The following ANK2 variants were observed in gnomAD, a reference collection of about 807,000 sequenced individuals.
ANK2 encodes ankyrin-2.
ANK2 carries 83 observed loss-of-function variants against 360.5 expected under a neutral mutation model. That is an observed-to-expected ratio of 0.23 (90% CI 0.19 to 0.28). ANK2 has a LOEUF of 0.28. Ranked by LOEUF, ANK2 falls within the 10% of genes least tolerant of loss-of-function variation. The pLI, the probability that ANK2 is intolerant of heterozygous loss-of-function variation, is 1.00. For missense variants in ANK2, 4,201 were observed against 4,795.7 expected (o/e 0.88, Z 3.66); for synonymous variants, 1,740 against 1,759.5 (o/e 0.99, Z 0.28).
the ANK2 span, among the ~76,000 whole-genome samples, chr4:112,721,991 T>C: frequency 6.6e-6 from 1 of 152,204 alleles, no homozygotes; most frequent in East Asian, 1.9e-4. Flanking sequence ...GTTATCCTTC[T>C]AAAATTTAAT....
At chr4:113,288,365 T>C in intron 19 of ANK2, 23 bp from the exon 20 acceptor site, 1 of 1,593,932 alleles carries the variant, frequency 6.3e-7, no homozygotes, top group Non-Finnish European at 8.6e-7. Context: ...TATCTATTTT[T>C]AACTTTTTAT....
At chr4:112,796,460 A>ATG in the ANK2 span, among the ~76,000 whole-genome samples, 4 of 74,818 alleles carry the variant, frequency 5.3e-5, no homozygotes, top group Admixed American at 4.6e-4. Flanking sequence ...ATCTATCTAT[A>ATG]TATATACACA....
At chr4:112,973,045 T>C (rs2040134216) in intron 2 of ANK2, among the ~76,000 whole-genome samples, 1 of 152,046 alleles carries the variant, frequency 6.6e-6, no homozygotes, top group Admixed American at 6.6e-5. Context: ...GAGCGAGGGA[T>C]AAAAGACTAC....
At chr4:112,931,040 C>A (rs1182438507) in intron 2 of ANK2, among the ~76,000 whole-genome samples, 2 of 152,074 alleles carry the variant, frequency 1.3e-5, no homozygotes, top group African/African-American at 4.8e-5. Flanking sequence ...GGTCAGAACA[C>A]AAGGTCATGG....
chr4:113,003,235 T>C (rs2051461290), intron 2 of ANK2, among the ~76,000 whole-genome samples: 1 of 152,168 alleles, frequency 6.6e-6, no homozygotes, highest in South Asian at 2.1e-4. Flanking sequence ...GAAACAATTT[T>C]TTATATAATT....
chr4:113,032,397 G>C (rs2060606647), intron 2 of ANK2, among the ~76,000 whole-genome samples: 1 of 152,038 alleles, frequency 6.6e-6, no homozygotes, highest in Non-Finnish European at 1.5e-5. Context: ...AGTGGATACT[G>C]TCTTGCCTCT....
rs1401488247 is a variant in ANK2 at position 113,240,527 on chromosome 4, G to T, written c.736G>T (p.Val246Phe). The change falls in exon 8 of 46, where the codon GTC becomes TTC. Residue 246 changes from valine to phenylalanine, a missense_variant. This residue lies in a region of ANK2 where 122 missense variants were observed against 239.3 expected (regional missense o/e 0.51). Coordinates refer to ENST00000357077, the MANE Select transcript of ANK2 (RefSeq NM_001148.6). ...PLHIAAHYGNVNVATLLLNRG... is the reference protein window; with the variant it reads ...PLHIAAHYGNFNVATLLLNRG... ...GCACATAGCTGCACATTACGGAAAT[G>T]TCAACGTGGCAACTCTTCTTCTAAA... 1.2e-6 allele frequency: 2 copies of T among 1,613,986 alleles called. No individual in the cohort carries two copies. Among genetic ancestry groups the T allele is most frequent in the Non-Finnish European group, 1.7e-6 (2 of 1,179,932 alleles).
chr4:113,237,901 C>T (rs2099396129), intron 7 of ANK2, among the ~76,000 whole-genome samples: 1 of 152,108 alleles, frequency 6.6e-6, no homozygotes, highest in African/African-American at 2.4e-5. Flanking sequence ...GTGAGATTTA[C>T]TATTAACTTA....
intron 1 of ANK2, among the ~76,000 whole-genome samples, chr4:113,101,854 G>T (rs913103993): frequency 1.3e-4 from 20 of 152,072 alleles, no homozygotes; most frequent in African/African-American, 4.6e-4. Context: ...TGAAGGATGA[G>T]TCAGATGCAA....
chr4:112,765,849 C>G, the ANK2 span, among the ~76,000 whole-genome samples: 4 of 152,108 alleles, frequency 2.6e-5, no homozygotes, highest in African/African-American at 9.7e-5. Context: ...GTCACAGTGA[C>G]AGTGACTGGG....
chr4:112,893,394 C>T (rs115474867), intron 1 of ANK2, among the ~76,000 whole-genome samples: 1,925 of 152,198 alleles, frequency 0.013, 36 homozygotes, highest in African/African-American at 0.042. Context: ...ACCTCCTGAG[C>T]TCAAGCAATC....
chr4:113,378,835 G>T (rs994748566), intron 45 of ANK2, among the ~76,000 whole-genome samples: 4 of 151,772 alleles, frequency 2.6e-5, no homozygotes, highest in African/African-American at 9.7e-5. Flanking sequence ...TATAAACTTG[G>T]GCACTGTTCC....
At chr4:113,118,191 T>C (rs2095023796) in intron 1 of ANK2, among the ~76,000 whole-genome samples, 1 of 152,214 alleles carries the variant, frequency 6.6e-6, no homozygotes, top group African/African-American at 2.4e-5. Flanking sequence ...AATACTCATT[T>C]AGTCAGTGAT....
chr4:112,738,593 G>T, the ANK2 span: 1 of 486,886 alleles, frequency 2.1e-6, no homozygotes, highest in South Asian at 1.6e-5. Context: ...GGAGAGTTCT[G>T]AATTGTGAGT....
chr4:112,832,287 A>G (rs1247347064), intron 1 of ANK2, among the ~76,000 whole-genome samples: 1 of 152,192 alleles, frequency 6.6e-6, no homozygotes, highest in African/African-American at 2.4e-5. Context: ...TCCTGGCCTC[A>G]AGTGATCCGC....
At chr4:112,767,360 A>C in the ANK2 span, among the ~76,000 whole-genome samples, 77 of 152,248 alleles carry the variant, frequency 5.1e-4, no homozygotes, top group African/African-American at 1.8e-3. Flanking sequence ...CAGGAGTTCG[A>C]GACCAGCCTG....
intron 35 of ANK2, among the ~76,000 whole-genome samples, chr4:113,346,977 T>C (rs1480059485): frequency 6.6e-6 from 1 of 152,124 alleles, no homozygotes; most frequent in Non-Finnish European, 1.5e-5. Context: ...TGGCAATCTA[T>C]AGGTGGATGC....
intron 2 of ANK2, among the ~76,000 whole-genome samples, chr4:113,021,530 C>CCACACACACACA (rs143469138): frequency 1.5e-4 from 2 of 13,088 alleles, no homozygotes; most frequent in African/African-American, 2.3e-4. Context: ...ACACACACAC[C>CCACACACACACA]CACACACAAA....
chr4:113,125,409 G>A (rs1344216695), intron 1 of ANK2, among the ~76,000 whole-genome samples: 1 of 152,116 alleles, frequency 6.6e-6, no homozygotes. Context: ...GATAAGAGGT[G>A]GATGTGAAAT....
Sources: gnomAD v4.1 joint callset for allele counts (sites outside exome capture counted in the v4.1 genomes callset) on GRCh38, gnomAD v4.1.1 for gene constraint, gnomAD v4.1.1 regional missense constraint, MANE v1.5 for transcripts, NCBI Gene and HGNC (gene_info 2026-07-23, HGNC 2026-07-21) for gene names.